The following TFCP2 variants were observed in gnomAD, a reference collection of about 807,000 sequenced individuals.
TFCP2 encodes alpha-globin transcription factor CP2.
TFCP2 carries 33 observed loss-of-function variants against 73.4 expected under a neutral mutation model. That is an observed-to-expected ratio of 0.45 (90% CI 0.34 to 0.60). The LOEUF is 0.60. Among genes scored for constraint, TFCP2 ranks in the 20% least tolerant of loss-of-function variants. TFCP2 has a pLI of 0.01. For missense variants in TFCP2, 352 were observed against 604.0 expected, an observed-to-expected ratio of 0.58 and a Z score of 4.37; for synonymous variants, 193 against 211.6, an observed-to-expected ratio of 0.91 and a Z score of 0.76.
At chr12:51,148,502 C>T (rs889713075) in intron 1 of TFCP2, among the ~76,000 whole-genome samples, 2 of 151,556 alleles carry the variant, frequency 1.3e-5, no homozygotes, top group African/African-American at 4.8e-5. Context: ...GAGTTTAAGA[C>T]CAGCCTAGCC....
chr12:51,139,393 C>T (rs11169718), intron 1 of TFCP2, among the ~76,000 whole-genome samples: 17,607 of 151,970 alleles, frequency 0.12, 1,339 homozygotes, highest in African/African-American at 0.22. Flanking sequence ...TATAGTGAGA[C>T]GGCGTCTTGC....
chr12:51,120,909 C>CAAAAAAAAAAAAAAAAAAAAAAAAAA (rs35941534), intron 1 of TFCP2, among the ~76,000 whole-genome samples: 1 of 78,728 alleles, frequency 1.3e-5, no homozygotes, highest in Non-Finnish European at 2.5e-5. Flanking sequence ...GACTGTGTCT[C>CAAAAAAAAAAAAAAAAAAAAAAAAAA]AAAAAAAAAA....
chr12:51,171,401 G>A (rs1941858790), intron 1 of TFCP2, among the ~76,000 whole-genome samples: 1 of 152,144 alleles, frequency 6.6e-6, no homozygotes, highest in Admixed American at 6.6e-5. Flanking sequence ...TTTTTCAAAT[G>A]GAGTCTCACT....
At chr12:51,142,203 C>CGAAA (rs1941208880) in intron 1 of TFCP2, among the ~76,000 whole-genome samples, 1 of 52,742 alleles carries the variant, frequency 1.9e-5, no homozygotes, top group Admixed American at 3.4e-4. Flanking sequence ...GACTCTGTCG[C>CGAAA]AAAAAAAAAA....
At chr12:51,111,067 A>G (rs1184844508) in intron 4 of TFCP2, 84 bp from the exon 5 acceptor site, 3 of 917,754 alleles carry the variant, frequency 3.3e-6, no homozygotes, top group Non-Finnish European at 5.3e-6. Context: ...ATATTACTCA[A>G]TGTAGCTACC....
At chr12:51,115,119 C>CTTTTTTTTTT (rs767275906) in intron 4 of TFCP2, among the ~76,000 whole-genome samples, 1 of 83,800 alleles carries the variant, frequency 1.2e-5, no homozygotes, top group African/African-American at 4.3e-5. Flanking sequence ...AAATTGGAAC[C>CTTTTTTTTTT]TTTTTTTTTT....
chr12:51,099,979 AAT>A (rs1332304659), intron 11 of TFCP2, among the ~76,000 whole-genome samples, 200 bp from the exon 12 acceptor site: 6 of 152,162 alleles, frequency 3.9e-5, no homozygotes, highest in Non-Finnish European at 8.8e-5. Flanking sequence ...AATTAGTTCC[AAT>A]ATGAGACATC....
At position 51,102,106 on chromosome 12, in the gene TFCP2, G is replaced by A. The variant is rs1757154803; in HGVS notation, c.1061-81C>T. 3 of 952,010 alleles carry A rather than the reference G, an allele frequency of 3.2e-6. No individual in the cohort carries two copies. In the Admixed American group the frequency reaches 5.8e-5, roughly 18 times the overall value. The allele number at this position is 952,010 out of a possible 1,614,324, so 59.0% of individuals were successfully genotyped here. ...CTATTAAAATGGGCTGTATTATAAGGACACCTCATTACCAGAATGTTACAA... is the reference window on the plus strand; with the variant it reads ...CTATTAAAATGGGCTGTATTATAAGAACACCTCATTACCAGAATGTTACAA... On this transcript the variant is annotated intron_variant, in intron 10 of 14. Coordinates refer to ENST00000257915, the MANE Select transcript of TFCP2 (RefSeq NM_005653.5).
chr12:51,108,604 T>C (rs1466331084), intron 6 of TFCP2, among the ~76,000 whole-genome samples: 1 of 151,836 alleles, frequency 6.6e-6, no homozygotes, highest in African/African-American at 2.4e-5. Context: ...CAAGACCCCC[T>C]CTCTATAAAA....
Position 51,131,447 on chromosome 12 carries a change from G to GT in TFCP2, c.123-12676dup, listed in dbSNP as rs568769029. 6.7e-3 allele frequency among the ~76,000 whole-genome samples: 1,018 copies of GT among 151,910 alleles called. 20 individuals are homozygous for GT. Among genetic ancestry groups the GT allele is most frequent in the Non-Finnish European group, 6.0e-3 (406 of 67,992 alleles). On this transcript the variant is annotated intron_variant, in intron 1 of 14. Transcript: ENST00000257915. Reference sequence around the variant, plus strand: ...CAAATATAACAGGCCCATCGGTATAGTTTTTTTCTATCATAAACAATTCCT... The same window carrying GT: ...CAAATATAACAGGCCCATCGGTATAGTTTTTTTTCTATCATAAACAATTCCT...
intron 1 of TFCP2, among the ~76,000 whole-genome samples, chr12:51,146,997 A>G (rs1051424173): frequency 1.2e-4 from 18 of 152,238 alleles, no homozygotes; most frequent in Admixed American, 4.6e-4. Context: ...GCTGAATGAT[A>G]GAGTAAAAAT....
Position 51,118,027 on chromosome 12 carries a change from T to C in TFCP2, c.275-280A>G, listed in dbSNP as rs529426260. Reference sequence around the variant, plus strand: ...TAGCAACTTGTCCAAGGCCACACAATTGGTAAATAATAGAGCCAGGTAGAG... The same window carrying C: ...TAGCAACTTGTCCAAGGCCACACAACTGGTAAATAATAGAGCCAGGTAGAG... On this transcript the variant is annotated intron_variant, in intron 2 of 14. Coordinates refer to ENST00000257915, the MANE Select transcript of TFCP2 (RefSeq NM_005653.5). Among the ~76,000 whole-genome samples the C allele has an allele frequency of 8.5e-5, 13 of 152,284 alleles. No individual in the cohort carries two copies. The East Asian group carries it at 1.2e-3, about 14-fold the overall frequency.
chr12:51,126,931 G>C (rs1158217199), intron 1 of TFCP2, among the ~76,000 whole-genome samples: 2 of 152,182 alleles, frequency 1.3e-5, no homozygotes, highest in Non-Finnish European at 2.9e-5. Context: ...TCAGATCAGG[G>C]AGGAGACCTG....
intron 14 of TFCP2, among the ~76,000 whole-genome samples, 168 bp downstream of exon 14, chr12:51,095,813 CAAAAAAAA>C (rs34105291): frequency 1.2e-5 from 1 of 84,198 alleles, no homozygotes; most frequent in African/African-American, 5.1e-5. Flanking sequence ...GACTCTGTTT[CAAAAAAAA>C]AAAAAAAAAA....
intron 4 of TFCP2, among the ~76,000 whole-genome samples, chr12:51,112,807 C>A (rs1396107441): frequency 2.7e-5 from 4 of 146,510 alleles, no homozygotes; most frequent in African/African-American, 1.0e-4. Context: ...ACAGAGGTTG[C>A]AGTGAGCCGA....
intron 1 of TFCP2, among the ~76,000 whole-genome samples, chr12:51,119,619 G>A (rs1440771692): frequency 6.6e-6 from 1 of 151,594 alleles, no homozygotes; most frequent in Admixed American, 6.6e-5. Context: ...GAGTGGTGGC[G>A]CATGCCTGTA....
intron 1 of TFCP2, among the ~76,000 whole-genome samples, chr12:51,131,020 T>C (rs1309907048): frequency 6.6e-6 from 1 of 150,906 alleles, no homozygotes; most frequent in East Asian, 2.0e-4. Context: ...TTTGTGTACT[T>C]GCCTTGACAA....
Position 51,109,265 on chromosome 12 carries a change from A to G in TFCP2, c.573T>C (p.Cys191=), listed in dbSNP as rs1940334502. ...KRTSVFIQVH[C]ISTEFTMRKH... ...TCCTCATAGTGAACTCTGTGCTAAT[A>G]CAGTGCACCTGAAAAGAATACAACA... Residue 191 remains cysteine, a synonymous_variant, in exon 6 of 15, where the codon TGT becomes TGC. Transcript: ENST00000257915. 2 of 1,614,148 alleles carry G rather than the reference A, an allele frequency of 1.2e-6. No individual in the cohort carries two copies. Among genetic ancestry groups the G allele is most frequent in the Non-Finnish European group, 1.7e-6 (2 of 1,180,028 alleles).
intron 1 of TFCP2, among the ~76,000 whole-genome samples, chr12:51,167,591 C>T (rs1941781334): frequency 6.6e-6 from 1 of 151,946 alleles, no homozygotes; most frequent in Admixed American, 6.6e-5. Flanking sequence ...CAGGGTTTTA[C>T]CATGTTGGCC....
Sources: allele counts gnomAD v4.1 joint callset (sites outside exome capture counted in the v4.1 genomes callset), GRCh38; gene constraint gnomAD v4.1.1; transcripts MANE v1.5; gene names NCBI Gene and HGNC (gene_info 2026-07-23, HGNC 2026-07-21).